FAM151A: variants seen among roughly 807,000 people sequenced by gnomAD.
FAM151A encodes protein FAM151A.
Under a neutral mutation model 40.4 loss-of-function variants are expected in FAM151A, and 41 were observed. The ratio of observed to expected loss-of-function variants is 1.01; its 90% CI spans 0.79 to 1.32. FAM151A has a LOEUF of 1.32. Ranked by LOEUF, FAM151A falls within the 40% of genes most tolerant of loss-of-function variation. The pLI is 0.00. For synonymous variants in FAM151A, 337 were observed against 312.5 expected, an observed-to-expected ratio of 1.08 and a Z score of -0.83; for missense variants, 740 against 740.4, an observed-to-expected ratio of 1.00 and a Z score of 0.01.
At position 54,611,664 on chromosome 1, in the gene FAM151A, G is replaced by A; in HGVS notation, c.882C>T (p.Val294=). The change falls in exon 6 of 8, where the codon GTC becomes GTT. Residue 294 remains valine, a synonymous_variant. Transcript: ENST00000302250. The part of the protein sequence containing the change: ...DLLYVRDNTA[V]HQVYYDIFEP... The stretch of plus-strand genomic sequence containing the variant: ...CAAAGATGTCATAGTAGACTTGGTG[G>A]ACAGCAGTGTTATCCCGGACGTAGA... The A allele has an allele frequency of 6.2e-7, 1 of 1,614,082 alleles. No homozygotes were observed. Among genetic ancestry groups the A allele is most frequent in the Non-Finnish European group, 8.5e-7 (1 of 1,179,996 alleles).
At chr1:54,620,700 C>T (rs1203028797) in intron 1 of FAM151A, among the ~76,000 whole-genome samples, 3 of 149,634 alleles carry the variant, frequency 2.0e-5, no homozygotes, top group Non-Finnish European at 3.0e-5. Context: ...CAAAAATTAG[C>T]GGGATGGACG....
chr1:54,610,219 A>C (rs1421588228), intron 7 of FAM151A, 193 bp downstream of exon 7: 4 of 1,436,918 alleles, frequency 2.8e-6, no homozygotes, highest in East Asian at 5.0e-5. Flanking sequence ...ACTGGTCTGA[A>C]GGCCAGGAGC....
chr1:54,616,079 A>G lies in FAM151A; in HGVS notation c.356T>C (p.Ile119Thr), dbSNP rs17851843. The stretch of plus-strand genomic sequence containing the variant: ...CTGCTCCAGTGTGTTGTCACTGTAG[A>G]TAGTGGGGGGGTGTGCCATGATGGG... ...GVPIMAHPPT[I>T]YSDNTLEQWL... Residue 119 changes from isoleucine to threonine, a missense_variant, in exon 3 of 8, where the codon ATC becomes ACC. Physicochemically the swap from Ile to Thr is moderately conservative, Grantham distance 89 (BLOSUM62 -1). Transcript: ENST00000302250. 1 of 1,614,092 alleles carries G rather than the reference A, an allele frequency of 6.2e-7. No homozygotes were observed. The highest frequency in any genetic ancestry group is 2.2e-5 in the East Asian group (1 of 44,852).
intron 2 of FAM151A, among the ~76,000 whole-genome samples, chr1:54,617,478 A>G (rs61770423): frequency 6.9e-6 from 1 of 145,984 alleles, no homozygotes; most frequent in East Asian, 2.0e-4. Flanking sequence ...AAAAAAAAAA[A>G]GGCCAGAAAA....
chr1:54,614,962 G>A (rs1655525), intron 3 of FAM151A, 103 bp from the exon 4 acceptor site: 550,664 of 1,158,044 alleles, frequency 0.48, 107,315 homozygotes, highest in Non-Finnish European at 0.52. Context: ...GTGCATGTGC[G>A]TGCACAGTGG....
At position 54,612,620 on chromosome 1, in the gene FAM151A, C is replaced by T. The variant is rs200765716; in HGVS notation, c.666G>A (p.Thr222=). 1.8e-4 allele frequency: 294 copies of T among 1,614,080 alleles called. 1 individual carries two copies. The East Asian group carries it at 6.2e-3, about 34-fold the overall frequency. Reference sequence around the variant, plus strand: ...TCTTCTCCACCATGGCTTGGGTGTACGTCCTGTTTGGGGACGTGGACATGT... The same window carrying T: ...TCTTCTCCACCATGGCTTGGGTGTATGTCCTGTTTGGGGACGTGGACATGT... ...TFYMSTSPNR[T]YTQAMVEKMH... The change falls in exon 5 of 8, where the codon ACG becomes ACA. Residue 222 remains threonine (T), a synonymous_variant. Transcript: ENST00000302250.
chr1:54,611,863 G>T, intron 5 of FAM151A, 118 bp from the exon 6 acceptor site: 2 of 1,165,518 alleles, frequency 1.7e-6, no homozygotes, highest in Non-Finnish European at 2.4e-6. Flanking sequence ...TCCTCCAGTC[G>T]CCCACCTGCC....
intron 3 of FAM151A, among the ~76,000 whole-genome samples, 198 bp from the exon 4 acceptor site, chr1:54,615,057 A>G (rs1644158287): frequency 6.9e-6 from 1 of 145,610 alleles, no homozygotes; most frequent in Non-Finnish European, 1.6e-5. Flanking sequence ...AACTCAGAGA[A>G]GAAGGGCCTG....
Position 54,616,022 on chromosome 1 carries a change from T to C in FAM151A, c.413A>G (p.Lys138Arg). The C allele has an allele frequency of 6.2e-7, 1 of 1,613,624 alleles. No homozygotes were observed. Among genetic ancestry groups the C allele is most frequent in the Non-Finnish European group, 8.5e-7 (1 of 1,179,924 alleles). ...WLDAVLGSSQ[K>R]GIKLDFKNIK... is the part of the protein sequence containing the mutation. Reference sequence around the variant, plus strand: ...AGGGTTTCCAGAGAGGCCCTTACCCTTTTGGGAAGAGCCCAGCACAGCGTC... The same window carrying C: ...AGGGTTTCCAGAGAGGCCCTTACCCCTTTGGGAAGAGCCCAGCACAGCGTC... The change falls in exon 3 of 8, where the codon AAG becomes AGG. Residue 138 changes from lysine (K) to arginine (R), a missense_variant and splice_region_variant. Transcript: ENST00000302250.
At chr1:54,620,120 G>T in intron 1 of FAM151A, 113 bp from the exon 2 acceptor site, 2 of 1,134,938 alleles carry the variant, frequency 1.8e-6, no homozygotes, top group Non-Finnish European at 2.5e-6. Flanking sequence ...ACCCCATCTG[G>T]CAGAGGGACG....
chr1:54,621,356 C>T (rs1644228324), intron 1 of FAM151A: 3 of 152,094 alleles, frequency 2.0e-5, no homozygotes, highest in African/African-American at 7.2e-5. Flanking sequence ...ACTGGGGAGG[C>T]TGAGGCAAAA....
chr1:54,622,796 G>A (rs1452382396), intron 1 of FAM151A, among the ~76,000 whole-genome samples: 3 of 152,098 alleles, frequency 2.0e-5, no homozygotes, highest in Non-Finnish European at 2.9e-5. Flanking sequence ...CTTTCTGCTG[G>A]GGATGAAGTC....
chr1:54,619,463 G>T (rs1342303983), intron 2 of FAM151A, among the ~76,000 whole-genome samples: 1 of 152,164 alleles, frequency 6.6e-6, no homozygotes, highest in Non-Finnish European at 1.5e-5. Context: ...TTGCATGGTA[G>T]TCCCAGGAGA....
rs778700519 is a variant in FAM151A, at chr1:54,609,425, C to T, written c.1601G>A (p.Arg534Gln). The stretch of plus-strand genomic sequence containing the variant: ...GTTGTGCTCCACTGTGACGGTGGCC[C>T]GGGGGGAGGATGCCAGCAGCCTGCC... ...AIGRLLASSPRATVTVEHNPA... is the reference protein window; with the variant it reads ...AIGRLLASSPQATVTVEHNPA... The change falls in exon 8 of 8, where the codon CGG becomes CAG. Residue 534 changes from arginine to glutamine, a missense_variant. Arg to Gln is a conservative substitution (Grantham distance 43). Coordinates refer to ENST00000302250, the MANE Select transcript of FAM151A (RefSeq NM_176782.3). 2.3e-5 allele frequency: 37 copies of T among 1,613,648 alleles called. No homozygotes were observed. Among genetic ancestry groups the T allele is most frequent in the African/African-American group, 2.3e-4 (17 of 74,884 alleles).
intron 4 of FAM151A, 95 bp from the exon 5 acceptor site, chr1:54,612,805 T>A: frequency 1.2e-6 from 1 of 863,452 alleles, no homozygotes; most frequent in Non-Finnish European, 1.9e-6. Context: ...TGGCAGAGCC[T>A]ATTGGATCTA....
chr1:54,613,755 T>G (rs1232795007), intron 4 of FAM151A, among the ~76,000 whole-genome samples: 2 of 152,206 alleles, frequency 1.3e-5, no homozygotes, highest in Non-Finnish European at 2.9e-5. Flanking sequence ...CAGGTCATAT[T>G]TATCTTGGGC....
intron 2 of FAM151A, 79 bp downstream of exon 2, chr1:54,619,785 G>C: frequency 6.9e-7 from 1 of 1,456,038 alleles, no homozygotes; most frequent in Non-Finnish European, 9.5e-7. Flanking sequence ...ACAGTGACCA[G>C]TGTCTGATCC....
In FAM151A at chr1:54,616,226, C is replaced by G. The variant is rs968211105; in HGVS notation, c.263-54G>C. ...TCCTTTTTTTAAAAAAAGAAAACTT[C>G]TTTCTCATCATAAAAGCATTACAAA... On this transcript the variant is annotated intron_variant, in intron 2 of 7. Coordinates refer to ENST00000302250, the MANE Select transcript of FAM151A (RefSeq NM_176782.3). 1.9e-5 allele frequency: 28 copies of G among 1,487,540 alleles called. 1 individual carries two copies. The highest frequency in any genetic ancestry group is 2.5e-5 in the South Asian group (2 of 81,272). The allele number at this position is 1,487,540 out of a possible 1,614,324, so 92.1% of individuals were successfully genotyped here.
chr1:54,609,660 C>T lies in FAM151A; in HGVS notation c.1366G>A (p.Gly456Ser), dbSNP rs368473935. ...KISHGSFSVP[G>S]HVAGRELLTA... is the part of the protein sequence containing the mutation. ...AGCAGCTCTCTGCCAGCCACATGGC[C>T]GGGGACCGAAAAACTCCCGTGGGAG... The change falls in exon 8 of 8, where the codon GGC becomes AGC. Residue 456 changes from glycine to serine, a missense_variant. Physicochemically the swap from Gly to Ser is moderately conservative, Grantham distance 56. Transcript: ENST00000302250. The T allele has an allele frequency of 3.7e-4, 598 of 1,613,976 alleles. 4 individuals are homozygous for T. The South Asian group carries it at 6.0e-3, about 16-fold the overall frequency.
Sources: gnomAD v4.1 joint callset for allele counts (sites outside exome capture counted in the v4.1 genomes callset) on GRCh38, gnomAD v4.1.1 for gene constraint, MANE v1.5 for transcripts, NCBI Gene and HGNC (gene_info 2026-07-23, HGNC 2026-07-21) for gene names.